MED13L: variants seen among roughly 807,000 people sequenced by gnomAD.
MED13L encodes the protein mediator complex subunit 13L.
Under a neutral mutation model 220.9 loss-of-function variants are expected in MED13L, and 7 were observed. The observed-to-expected ratio is 0.03, with a 90% confidence interval of 0.02 to 0.06. The LOEUF (loss-of-function observed/expected upper bound fraction) is 0.06. MED13L is among the 10% of genes least tolerant of loss of function. The pLI, the probability that MED13L is intolerant of heterozygous loss-of-function variation, is 1.00. For missense variants in MED13L, 1,965 were observed against 2,760.5 expected (o/e 0.71, Z 6.46); for synonymous variants, 1,011 against 1,015.2 (o/e 1.00, Z 0.08).
At chr12:116,250,049 A>C (rs985668587) in intron 1 of MED13L, among the ~76,000 whole-genome samples, 3 of 144,682 alleles carry the variant, frequency 2.1e-5, no homozygotes, top group East Asian at 2.0e-4. Context: ...AAAAAAAAAA[A>C]CACACCAAAA....
At chr12:116,232,193 T>G (rs1421387447) in intron 2 of MED13L, 3 of 947,386 alleles carry the variant, frequency 3.2e-6, no homozygotes, top group Non-Finnish European at 3.8e-6. Flanking sequence ...TGTCTCTAAA[T>G]TCACAACAAA....
intron 13 of MED13L, 102 bp from the exon 14 acceptor site, chr12:116,003,204 G>C: frequency 1.0e-6 from 1 of 972,024 alleles, no homozygotes. Context: ...CCTCTTGGTA[G>C]AAGCGTTTAC....
intron 4 of MED13L, among the ~76,000 whole-genome samples, chr12:116,042,185 T>A (rs546123360): frequency 6.6e-6 from 1 of 152,358 alleles, no homozygotes; most frequent in East Asian, 1.9e-4. Flanking sequence ...CAAGTACCAC[T>A]GATGAAGACA....
At position 116,019,908 on chromosome 12, in the gene MED13L, T is replaced by A; in HGVS notation, c.690A>T (p.Pro230=). ...ATTCCTCAATCAACTTACGAGTGGC[T>A]GGGTCTGACATCTTGTATGCTTGGC... The part of the protein sequence containing the change: ...LTGQAYKMSD[P]ATRKLIEEWQ... The change falls in exon 6 of 31, where the codon CCA becomes CCT. Residue 230 remains proline, a synonymous_variant. Transcript: ENST00000281928. The A allele has an allele frequency of 6.2e-7, 1 of 1,613,900 alleles. No individual in the cohort carries two copies. Among genetic ancestry groups the A allele is most frequent in the South Asian group, 1.1e-5 (1 of 91,080 alleles).
In MED13L at chr12:115,960,813, A is replaced by G. The variant is rs1565979858; in HGVS notation, c.*453T>C. Reference sequence around the variant, plus strand: ...TACTTGAGCTGGTTCTTATTTTTAAAAAGTCCCAGATTATGGAGTTCAGGT... The same window carrying G: ...TACTTGAGCTGGTTCTTATTTTTAAGAAGTCCCAGATTATGGAGTTCAGGT... On this transcript the variant is annotated 3_prime_UTR_variant, in exon 31 of 31. Coordinates refer to ENST00000281928, the MANE Select transcript of MED13L (RefSeq NM_015335.5). The G allele has an allele frequency of 9.0e-6, 2 of 221,962 alleles. No homozygotes were observed. Among genetic ancestry groups the G allele is most frequent in the South Asian group, 1.6e-4 (2 of 12,702 alleles). 13.7% of individuals were successfully genotyped at this position (221,962 alleles called of 1,614,324 possible). A position where few individuals can be genotyped will look rare whatever the true frequency, so the allele number is the denominator to read the frequency against.
chr12:116,144,966 G>A (rs1238384741), intron 2 of MED13L, among the ~76,000 whole-genome samples: 1 of 152,116 alleles, frequency 6.6e-6, no homozygotes, highest in Non-Finnish European at 1.5e-5. Flanking sequence ...CCACTTATAA[G>A]GTAATTACGT....
At chr12:116,006,268 G>A (rs764482692) in intron 12 of MED13L, 38 bp downstream of exon 12, 3 of 1,557,608 alleles carry the variant, frequency 1.9e-6, no homozygotes, top group African/African-American at 2.7e-5. Context: ...TTTCATTTTA[G>A]CAACAATCCA....
intron 9 of MED13L, 37 bp from the exon 10 acceptor site, chr12:116,009,169 T>G: frequency 6.2e-7 from 1 of 1,611,478 alleles, no homozygotes; most frequent in South Asian, 1.1e-5. Flanking sequence ...ATTATAACAT[T>G]AAGAAAAGAG....
rs571401433 is a variant in MED13L, at chr12:116,255,896, C to T, written c.73-18191G>A. Among the ~76,000 whole-genome samples, 746 of 152,262 alleles carry T rather than the reference C, an allele frequency of 4.9e-3. 7 individuals are homozygous for T. The highest frequency in any genetic ancestry group is 0.013 in the South Asian group (63 of 4,816). On this transcript the variant is annotated intron_variant, in intron 1 of 30. Coordinates refer to ENST00000281928, the MANE Select transcript of MED13L (RefSeq NM_015335.5). Reference sequence around the variant, plus strand: ...GCCAACATGACACTCAAAGGAAATTCCAAATTTTAAATTTTCAGAGTAGGG... The same window carrying T: ...GCCAACATGACACTCAAAGGAAATTTCAAATTTTAAATTTTCAGAGTAGGG...
chr12:116,260,351 A>G (rs755226833), intron 1 of MED13L, among the ~76,000 whole-genome samples: 1 of 152,212 alleles, frequency 6.6e-6, no homozygotes, highest in Non-Finnish European at 1.5e-5. Flanking sequence ...TCTGAAGCGC[A>G]TATGTCCATT....
intron 29 of MED13L, 45 bp downstream of exon 29, chr12:115,966,037 A>G (rs763332335): frequency 5.6e-6 from 9 of 1,600,970 alleles, no homozygotes; most frequent in Non-Finnish European, 7.7e-6. Flanking sequence ...ATTTAAGCGT[A>G]AATCACTCAT....
intron 4 of MED13L, among the ~76,000 whole-genome samples, chr12:116,085,955 G>C (rs1871641935): frequency 6.6e-6 from 1 of 152,178 alleles, no homozygotes; most frequent in South Asian, 2.1e-4. Flanking sequence ...TATGAACAAT[G>C]AGAAAATGAG....
intron 4 of MED13L, among the ~76,000 whole-genome samples, chr12:116,037,326 C>T (rs1881251337): frequency 6.6e-6 from 1 of 152,280 alleles, no homozygotes; most frequent in Non-Finnish European, 1.5e-5. Flanking sequence ...GCAGTCAAAA[C>T]TTTGTTTTAT....
At chr12:116,243,586 A>C (rs369408306) in intron 1 of MED13L, among the ~76,000 whole-genome samples, 1 of 152,012 alleles carries the variant, frequency 6.6e-6, no homozygotes, top group Admixed American at 6.6e-5. Context: ...ACAGGAAATG[A>C]GATTATTTAT....
chr12:115,983,563 G>A (rs778281320), intron 20 of MED13L, 23 bp from the exon 21 acceptor site: 3 of 1,612,640 alleles, frequency 1.9e-6, no homozygotes, highest in South Asian at 1.1e-5. Flanking sequence ...ATGCAAAGAG[G>A]TGACTTTAGT....
At chr12:116,102,147 T>C (rs1873112084) in intron 3 of MED13L, among the ~76,000 whole-genome samples, 1 of 152,208 alleles carries the variant, frequency 6.6e-6, no homozygotes, top group Non-Finnish European at 1.5e-5. Flanking sequence ...AATCAGGCTG[T>C]GTGTATGTGT....
rs1394513126 is a variant in MED13L, at chr12:115,991,917, G to C, written c.3037C>G (p.Leu1013Val). The change falls in exon 17 of 31, where the codon CTG (leucine) becomes GTG (valine). Residue 1013 changes from leucine (L) to valine (V), a missense_variant. By Grantham distance (32) the Leu-to-Val change is conservative. Coordinates refer to ENST00000281928, the MANE Select transcript of MED13L (RefSeq NM_015335.5). This position sits in a 1 kb window ranked among gnomAD's most constrained non-coding sequence, Gnocchi z 7.7. ...SVGSLADPDY[L>V]NTPQMNTPVT... ...GGTGTGTTCATCTGTGGTGTGTTCA[G>C]ATAGTCTGGATCTGCTAGGCTCCCA... 8 of 1,600,222 alleles carry C rather than the reference G, an allele frequency of 5.0e-6. No homozygotes were observed. The highest frequency in any genetic ancestry group is 6.8e-6 in the Non-Finnish European group (8 of 1,179,918).
chr12:116,245,191 AC>A (rs1341201007), intron 1 of MED13L, among the ~76,000 whole-genome samples: 5 of 151,818 alleles, frequency 3.3e-5, no homozygotes, highest in Non-Finnish European at 5.9e-5. Context: ...GCCAAGGACC[AC>A]CCCCTCCCTA....
intron 2 of MED13L, among the ~76,000 whole-genome samples, chr12:116,174,261 A>G (rs995251690): frequency 6.6e-6 from 1 of 152,212 alleles, no homozygotes; most frequent in African/African-American, 2.4e-5. Context: ...AAGCCGTCAC[A>G]TAAGATGCAA....
Sources: allele counts gnomAD v4.1 joint callset (sites outside exome capture counted in the v4.1 genomes callset), GRCh38; gene constraint gnomAD v4.1.1; non-coding constraint Gnocchi (gnomAD v3.1); transcripts MANE v1.5; gene names NCBI Gene and HGNC (gene_info 2026-07-23, HGNC 2026-07-21).